The following MGST1 variants were observed in gnomAD, a reference collection of about 807,000 sequenced individuals.
The protein encoded by MGST1 is microsomal glutathione S-transferase 1.
MGST1 carries 5 observed loss-of-function variants against 8.9 expected under a neutral mutation model. The ratio of observed to expected loss-of-function variants is 0.56; its 90% CI spans 0.29 to 1.19. The LOEUF is 1.19. Ranked by LOEUF, MGST1 falls within the 50% of genes most tolerant of loss-of-function variation. MGST1 has a pLI of 0.08. For synonymous variants in MGST1, 54 were observed against 67.8 expected, an observed-to-expected ratio of 0.80 and a Z score of 1.00; for missense variants, 182 against 187.4, an observed-to-expected ratio of 0.97 and a Z score of 0.17.
At chr12:16,395,794 T>TACACACACAC (rs71054815) in intron 1 of MGST1, among the ~76,000 whole-genome samples, 2 of 133,408 alleles carry the variant, frequency 1.5e-5, no homozygotes, top group Admixed American at 7.8e-5. Context: ...TATATATATA[T>TACACACACAC]ATATATATAT....
chr12:16,438,295 G>A (rs1055115865), exon 2 of MGST1: 1 of 151,848 alleles, frequency 6.6e-6, no homozygotes, highest in Non-Finnish European at 1.5e-5. Context: ...GCTTTACAAT[G>A]AAAAATGCAA....
chr12:16,487,668 G>A (rs1236408372), intron 4 of MGST1, among the ~76,000 whole-genome samples: 1 of 152,082 alleles, frequency 6.6e-6, no homozygotes, highest in East Asian at 1.9e-4. Flanking sequence ...TTTTTTAAGA[G>A]ACAGAATCTT....
At chr12:16,504,679 T>C (rs1941526461) in intron 4 of MGST1, among the ~76,000 whole-genome samples, 1 of 152,174 alleles carries the variant, frequency 6.6e-6, no homozygotes, top group Admixed American at 6.5e-5. Flanking sequence ...AATTTAAAGA[T>C]GCTTGGAGGA....
intron 4 of MGST1, among the ~76,000 whole-genome samples, chr12:16,527,425 G>T (rs1010489475): frequency 1.3e-5 from 2 of 151,930 alleles, no homozygotes; most frequent in African/African-American, 4.8e-5. Flanking sequence ...ACTCTGATAG[G>T]ATATAGGTAT....
intron 4 of MGST1, among the ~76,000 whole-genome samples, chr12:16,501,479 T>C (rs368470694): frequency 1.3e-5 from 2 of 152,238 alleles, no homozygotes; most frequent in East Asian, 3.8e-4. Context: ...TACTGCCATA[T>C]GTTACTTGAG....
intron 4 of MGST1, among the ~76,000 whole-genome samples, chr12:16,542,831 TTCTC>T (rs1160201486): frequency 6.6e-6 from 1 of 152,194 alleles, no homozygotes; most frequent in East Asian, 1.9e-4. Flanking sequence ...TGTGATGGCT[TTCTC>T]TCTGTCAGAT....
intron 1 of MGST1, among the ~76,000 whole-genome samples, chr12:16,398,194 C>T (rs961458975): frequency 9.2e-5 from 14 of 151,836 alleles, no homozygotes; most frequent in East Asian, 3.9e-4. Context: ...ACATAAAATC[C>T]GAGACCCCTC....
intron 1 of MGST1, among the ~76,000 whole-genome samples, chr12:16,386,429 T>C (rs566776616): frequency 3.9e-4 from 59 of 152,240 alleles, no homozygotes; most frequent in South Asian, 1.0e-3. Flanking sequence ...ATGCCGAAAA[T>C]TACTCAGACT....
rs1941191284 is a variant in MGST1 at position 16,458,149 on chromosome 12, A to G, written n.482+74545A>G. ...AACCCGAGGGTTACTGCATATTAAT[A>G]CTTTGGGAATAAAGATGGGAATGTT... On this transcript the variant is annotated intron_variant and non_coding_transcript_variant, in intron 4 of 4. Coordinates refer to the MGST1 transcript ENST00000538857. This position sits in a 1 kb window ranked among gnomAD's most constrained non-coding sequence, Gnocchi z 4.0. Among the ~76,000 whole-genome samples, 1 of 151,990 alleles carries G rather than the reference A, an allele frequency of 6.6e-6. No individual in the cohort carries two copies. The highest frequency in any genetic ancestry group is 2.4e-5 in the African/African-American group (1 of 41,424).
Position 16,418,963 on chromosome 12 carries a change from C to T in MGST1, n.779-18425C>T, listed in dbSNP as rs116905240. Among the ~76,000 whole-genome samples, 199 of 152,060 alleles carry T rather than the reference C, an allele frequency of 1.3e-3. 4 individuals carry two copies. The East Asian group carries it at 0.032, about 24-fold the overall frequency. On this transcript the variant is annotated intron_variant and non_coding_transcript_variant, in intron 1 of 1. Transcript: ENST00000359720. ...TCAGAGCTTATATGTTTAGTGTTTG[C>T]GAGTCCTAAATTGGAAGAAGATCAT...
At position 16,587,993 on chromosome 12, in the gene MGST1, A is replaced by T. The variant is rs923014507; in HGVS notation, n.483-1535A>T. Reference sequence around the variant, plus strand: ...AAAAGTCCCTTTCTTTCAGATAATTACCCTGTCTTTCTCTTACGACTTCTT... The same window carrying T: ...AAAAGTCCCTTTCTTTCAGATAATTTCCCTGTCTTTCTCTTACGACTTCTT... On this transcript the variant is annotated intron_variant and non_coding_transcript_variant, in intron 4 of 4. Transcript: ENST00000538857. The surrounding 1 kb of genome is among the most constrained non-coding windows in gnomAD (Gnocchi z 4.3). 1.3e-5 allele frequency among the ~76,000 whole-genome samples: 2 copies of T among 152,092 alleles called. No homozygotes were observed. Among genetic ancestry groups the T allele is most frequent in the African/African-American group, 2.4e-5 (1 of 41,440 alleles).
At chr12:16,569,658 T>C (rs750090689) in intron 4 of MGST1, among the ~76,000 whole-genome samples, 1 of 152,174 alleles carries the variant, frequency 6.6e-6, no homozygotes, top group Non-Finnish European at 1.5e-5. Flanking sequence ...CAACATTTCA[T>C]AGAATCACAA....
At chr12:16,384,008 C>T (rs747252276) in intron 1 of MGST1, among the ~76,000 whole-genome samples, 2 of 151,982 alleles carry the variant, frequency 1.3e-5, no homozygotes, top group Non-Finnish European at 2.9e-5. Context: ...TCAAGAAGCC[C>T]ACAAATAGGA....
At chr12:16,398,166 A>T (rs1402558234) in intron 1 of MGST1, among the ~76,000 whole-genome samples, 1 of 152,010 alleles carries the variant, frequency 6.6e-6, no homozygotes, top group Admixed American at 6.6e-5. Context: ...CTTACTGCTA[A>T]GGAGAAAAAA....
intron 4 of MGST1, among the ~76,000 whole-genome samples, chr12:16,451,459 A>T (rs1213010704): frequency 1.3e-5 from 2 of 151,918 alleles, no homozygotes; most frequent in Non-Finnish European, 2.9e-5. Flanking sequence ...TCTCAAAAAA[A>T]CTTTGTTCCA....
intron 4 of MGST1, among the ~76,000 whole-genome samples, chr12:16,529,419 C>A (rs1171749477): frequency 6.6e-6 from 1 of 152,082 alleles, no homozygotes; most frequent in Non-Finnish European, 1.5e-5. Flanking sequence ...TACATTTCAA[C>A]AAGGCTGTCC....
rs967152021 is a variant in MGST1 at position 16,517,526 on chromosome 12, T to C, written n.483-72002T>C. Among the ~76,000 whole-genome samples the C allele has an allele frequency of 6.6e-6, 1 of 152,186 alleles. No individual in the cohort carries two copies. The highest frequency in any genetic ancestry group is 2.4e-5 in the African/African-American group (1 of 41,430). On this transcript the variant is annotated intron_variant and non_coding_transcript_variant, in intron 4 of 4. Transcript: ENST00000538857. This position sits in a 1 kb window ranked among gnomAD's most constrained non-coding sequence, Gnocchi z 4.2. ...TCATGAGCCAAATAAAATATTATTGTTTGTAAATTACCCAGTCAGTGCTAT... is the reference window on the plus strand; with the variant it reads ...TCATGAGCCAAATAAAATATTATTGCTTGTAAATTACCCAGTCAGTGCTAT...
At chr12:16,493,086 C>G (rs1314714115) in intron 4 of MGST1, among the ~76,000 whole-genome samples, 1 of 152,096 alleles carries the variant, frequency 6.6e-6, no homozygotes, top group Non-Finnish European at 1.5e-5. Flanking sequence ...GAGAATAGGG[C>G]AAGATTGTCT....
chr12:16,354,415 G>C (rs2947101), intron 2 of MGST1, 37 bp downstream of exon 2: 19 of 1,572,960 alleles, frequency 1.2e-5, no homozygotes, highest in Non-Finnish European at 1.6e-5. Flanking sequence ...TTACTTTTAA[G>C]AGTTGGAATT....
Sources: allele counts gnomAD v4.1 joint callset (sites outside exome capture counted in the v4.1 genomes callset), GRCh38; gene constraint gnomAD v4.1.1; non-coding constraint Gnocchi (gnomAD v3.1); transcripts MANE v1.5; gene names NCBI Gene and HGNC (gene_info 2026-07-23, HGNC 2026-07-21).